The following THSD4 variants were observed in gnomAD, a reference collection of about 807,000 sequenced individuals.
The protein encoded by THSD4 is thrombospondin type 1 domain containing 4, also known as thrombospondin type-1 domain-containing protein 4.
A neutral mutation model predicts 119.0 loss-of-function variants in THSD4; 69 were observed. The observed-to-expected ratio is 0.58, with a 90% CI of 0.48 to 0.71. THSD4 has a LOEUF of 0.71. Among genes scored for constraint, THSD4 ranks in the 30% least tolerant of loss-of-function variants. The pLI is 0.00. For synonymous variants in THSD4, 524 were observed against 540.4 expected, an observed-to-expected ratio of 0.97 and a Z score of 0.42; for missense variants, 1,393 against 1,391.1, an observed-to-expected ratio of 1.00 and a Z score of -0.02.
At chr15:71,352,689 G>A (rs1399196429) in intron 6 of THSD4, among the ~76,000 whole-genome samples, 1 of 152,218 alleles carries the variant, frequency 6.6e-6, no homozygotes, top group Non-Finnish European at 1.5e-5. Context: ...AAAGAGCTCA[G>A]AGATACCAGG....
At chr15:71,274,264 A>T (rs560665206) in intron 6 of THSD4, among the ~76,000 whole-genome samples, 3 of 152,238 alleles carry the variant, frequency 2.0e-5, no homozygotes, top group Non-Finnish European at 4.4e-5. Context: ...CTGTCATTTC[A>T]TCATTCAGCT....
chr15:71,757,984 G>A lies in THSD4; in HGVS notation c.2498G>A (p.Gly833Asp). The A allele has an allele frequency of 6.2e-7, 1 of 1,614,160 alleles. No individual in the cohort carries two copies. Reference sequence around the variant, plus strand: ...CATGTCAGCAGCCTGCCCCTGGAGGGCTGTGGGAACAACCGGCCGGCAGAG... The same window carrying A: ...CATGTCAGCAGCCTGCCCCTGGAGGACTGTGGGAACAACCGGCCGGCAGAG... ...TNHVSSLPLE[G>D]CGNNRPAEAT... Residue 833 changes from glycine (G) to aspartate (D), a missense_variant, in exon 15 of 18, where the codon GGC (glycine) becomes GAC (aspartate). Transcript: ENST00000261862.
intron 7 of THSD4, among the ~76,000 whole-genome samples, chr15:71,436,095 CCCT>C (rs1374513957): frequency 2.6e-5 from 4 of 152,088 alleles, no homozygotes; most frequent in Admixed American, 6.5e-5. Context: ...CGAAAGGAGA[CCCT>C]CATCCGGTTT....
intron 6 of THSD4, among the ~76,000 whole-genome samples, chr15:71,389,596 G>A (rs181138729): frequency 1.3e-5 from 2 of 151,782 alleles, no homozygotes; most frequent in South Asian, 2.1e-4. Flanking sequence ...TCCTATGAAT[G>A]TGAGCGTATT....
chr15:71,522,595 G>A (rs891599100), intron 7 of THSD4, among the ~76,000 whole-genome samples: 1 of 152,218 alleles, frequency 6.6e-6, no homozygotes, highest in Admixed American at 6.5e-5. Context: ...ACCAATTCTG[G>A]ATGTCATGGT....
intron 1 of THSD4, among the ~76,000 whole-genome samples, chr15:71,139,119 T>G (rs984002058): frequency 7.9e-5 from 12 of 152,186 alleles, no homozygotes; most frequent in Non-Finnish European, 1.3e-4. Context: ...TACTATCTCA[T>G]TAGGCTAAGG....
chr15:71,666,304 G>A (rs2051415909), intron 8 of THSD4, among the ~76,000 whole-genome samples: 1 of 152,058 alleles, frequency 6.6e-6, no homozygotes, highest in South Asian at 2.1e-4. Context: ...ATATTTAAAT[G>A]AGCATCCCTA....
chr15:71,547,128 C>T, intron 7 of THSD4: 1 of 1,043,860 alleles, frequency 9.6e-7, no homozygotes, highest in Non-Finnish European at 1.2e-6. Context: ...TGTCCCTCCC[C>T]TTTCTGCTTT....
intron 6 of THSD4, among the ~76,000 whole-genome samples, chr15:71,294,072 G>T (rs752655537): frequency 1.3e-5 from 2 of 152,046 alleles, no homozygotes; most frequent in Non-Finnish European, 2.9e-5. Context: ...TTCCCTTCTA[G>T]CTCCTTCTGT....
chr15:71,197,457 T>C (rs537029855), intron 3 of THSD4, among the ~76,000 whole-genome samples: 1 of 152,340 alleles, frequency 6.6e-6, no homozygotes, highest in Admixed American at 6.5e-5. Flanking sequence ...AACTCATGCC[T>C]TAAATGTGTT....
intron 7 of THSD4, among the ~76,000 whole-genome samples, chr15:71,501,125 C>T (rs1196248627): frequency 2.6e-5 from 4 of 152,080 alleles, no homozygotes; most frequent in African/African-American, 4.8e-5. Flanking sequence ...TATGTCTTTC[C>T]GTCCAGCGCA....
chr15:71,711,874 C>A (rs1285532797), intron 8 of THSD4, among the ~76,000 whole-genome samples: 3 of 152,088 alleles, frequency 2.0e-5, no homozygotes, highest in Non-Finnish European at 4.4e-5. Flanking sequence ...AAGGTATATG[C>A]ATCTAAACAG....
At position 71,447,384 on chromosome 15, in the gene THSD4, G is replaced by C. The variant is rs1185048700; in HGVS notation, c.1152+35561G>C. Among the ~76,000 whole-genome samples, 6 of 151,842 alleles carry C rather than the reference G, an allele frequency of 4.0e-5. 1 individual carries two copies. Among genetic ancestry groups the C allele is most frequent in the Non-Finnish European group, 8.8e-5 (6 of 68,016 alleles). ...TCCGCCACCTTGGCTTCCCACCTTGGCTTCCCAAAGTGCAAGGATTACAGG... is the reference window on the plus strand; with the variant it reads ...TCCGCCACCTTGGCTTCCCACCTTGCCTTCCCAAAGTGCAAGGATTACAGG... On this transcript the variant is annotated intron_variant, in intron 7 of 17. Coordinates refer to ENST00000261862, the MANE Select transcript of THSD4 (RefSeq NM_024817.3).
At chr15:71,392,431 G>A (rs2046390328) in intron 6 of THSD4, among the ~76,000 whole-genome samples, 1 of 152,170 alleles carries the variant, frequency 6.6e-6, no homozygotes. Context: ...GACTTACTTT[G>A]TCCAATGACA....
At chr15:71,277,662 G>A (rs1039138058) in intron 6 of THSD4, among the ~76,000 whole-genome samples, 107 of 152,290 alleles carry the variant, frequency 7.0e-4, no homozygotes, top group Non-Finnish European at 1.4e-3. Flanking sequence ...ACATTACCCT[G>A]GAATAGAATG....
chr15:71,278,629 C>T (rs7173870), intron 6 of THSD4, among the ~76,000 whole-genome samples: 78,325 of 151,978 alleles, frequency 0.52, 21,035 homozygotes, highest in East Asian at 0.71. Context: ...TGTTTCTCTG[C>T]GGAGGCAAGG....
chr15:71,631,812 GA>G (rs1364867969), intron 7 of THSD4, among the ~76,000 whole-genome samples: 1 of 152,184 alleles, frequency 6.6e-6, no homozygotes, highest in Non-Finnish European at 1.5e-5. Flanking sequence ...AAAAGGAGAA[GA>G]AAAACAATGG....
At chr15:71,500,089 A>G (rs905835317) in intron 7 of THSD4, among the ~76,000 whole-genome samples, 1 of 152,136 alleles carries the variant, frequency 6.6e-6, no homozygotes, top group Non-Finnish European at 1.5e-5. Context: ...ACCATTTTAC[A>G]TTCCCACTAA....
chr15:71,548,044 T>A (rs2048866696), intron 7 of THSD4, among the ~76,000 whole-genome samples: 2 of 152,132 alleles, frequency 1.3e-5, no homozygotes, highest in African/African-American at 4.8e-5. Context: ...ATATTTTAAG[T>A]TCATGAGGAT....
Sources: allele counts gnomAD v4.1 joint callset (sites outside exome capture counted in the v4.1 genomes callset), GRCh38; gene constraint gnomAD v4.1.1; transcripts MANE v1.5; gene names NCBI Gene and HGNC (gene_info 2026-07-23, HGNC 2026-07-21).